GRID2: variants seen among roughly 807,000 people sequenced by gnomAD.
GRID2 encodes the protein glutamate ionotropic receptor delta type subunit 2.
A neutral mutation model predicts 114.8 loss-of-function variants in GRID2; 33 were observed. That is an observed-to-expected ratio of 0.29 (90% confidence interval 0.22 to 0.38). The LOEUF (loss-of-function observed/expected upper bound fraction) is 0.38. Ranked by LOEUF, GRID2 falls within the 10% of genes least tolerant of loss-of-function variation. The pLI is 1.00. For synonymous variants in GRID2, 505 were observed against 449.9 expected (o/e 1.12, Z -1.55); for missense variants, 1,184 against 1,257.7 (o/e 0.94, Z 0.89).
At chr4:93,183,710 C>T (rs1740124416) in intron 4 of GRID2, among the ~76,000 whole-genome samples, 1 of 152,156 alleles carries the variant, frequency 6.6e-6, no homozygotes, top group African/African-American at 2.4e-5. Flanking sequence ...TTTCTCATAC[C>T]ATCATGTGCC....
chr4:92,875,799 C>T (rs933297997), intron 2 of GRID2, among the ~76,000 whole-genome samples: 7 of 151,948 alleles, frequency 4.6e-5, no homozygotes, highest in African/African-American at 1.7e-4. Flanking sequence ...AAGCAAATAC[C>T]ATATCTACCT....
chr4:92,350,142 C>T (rs1727992190), intron 1 of GRID2, among the ~76,000 whole-genome samples: 1 of 151,844 alleles, frequency 6.6e-6, no homozygotes, highest in Admixed American at 6.6e-5. Flanking sequence ...GTCTGAATGT[C>T]AGTTGTTGAA....
chr4:93,473,619 AAAAAC>A (rs1725047463), intron 11 of GRID2, among the ~76,000 whole-genome samples: 1 of 152,070 alleles, frequency 6.6e-6, no homozygotes, highest in Admixed American at 6.6e-5. Context: ...TGTAAATGTT[AAAAAC>A]GTAGGCAAAA....
At chr4:93,250,767 T>TA (rs1554017738) in intron 8 of GRID2, among the ~76,000 whole-genome samples, 24 of 147,580 alleles carry the variant, frequency 1.6e-4, no homozygotes, top group African/African-American at 5.4e-4. Flanking sequence ...TATATATATA[T>TA]AAAAAAAGTG....
At chr4:92,994,892 G>A (rs566115179) in intron 2 of GRID2, among the ~76,000 whole-genome samples, 5 of 152,238 alleles carry the variant, frequency 3.3e-5, no homozygotes, top group African/African-American at 4.8e-5. Flanking sequence ...GCTCACACAG[G>A]CATATTTCCC....
At chr4:93,658,386 T>C (rs1194273821) in intron 14 of GRID2, among the ~76,000 whole-genome samples, 2 of 152,156 alleles carry the variant, frequency 1.3e-5, no homozygotes, top group Non-Finnish European at 2.9e-5. Context: ...AATATTGAAA[T>C]AATACCATTT....
intron 2 of GRID2, among the ~76,000 whole-genome samples, chr4:92,899,269 C>T (rs1045144768): frequency 1.3e-5 from 2 of 150,264 alleles, no homozygotes; most frequent in African/African-American, 4.9e-5. Context: ...TTTTGTTTTC[C>T]CTTTATTTGC....
At chr4:92,990,653 G>A (rs573479790) in intron 2 of GRID2, among the ~76,000 whole-genome samples, 5 of 151,812 alleles carry the variant, frequency 3.3e-5, no homozygotes, top group South Asian at 4.2e-4. Context: ...TAAATGCTAC[G>A]TATATTTACA....
chr4:93,502,852 C>T (rs570981635), intron 12 of GRID2, among the ~76,000 whole-genome samples: 157 of 151,848 alleles, frequency 1.0e-3, no homozygotes, highest in African/African-American at 3.7e-3. Context: ...GTGAGGAAGG[C>T]GAGGAATAAG....
intron 2 of GRID2, among the ~76,000 whole-genome samples, chr4:92,601,069 C>G (rs1302275266): frequency 6.6e-6 from 1 of 152,172 alleles, no homozygotes; most frequent in Non-Finnish European, 1.5e-5. Flanking sequence ...TGTCCCTACA[C>G]TCCTGCCTGA....
At chr4:93,171,622 G>T (rs894042634) in intron 4 of GRID2, among the ~76,000 whole-genome samples, 2 of 152,114 alleles carry the variant, frequency 1.3e-5, no homozygotes. Context: ...ACTTGTCCAC[G>T]TAGGACCCAA....
chr4:92,836,545 AAAAC>A (rs1186686795), intron 2 of GRID2, among the ~76,000 whole-genome samples: 4 of 152,136 alleles, frequency 2.6e-5, no homozygotes, highest in Non-Finnish European at 5.9e-5. Flanking sequence ...TAACCAAAAA[AAAAC>A]AGAAAATATT....
intron 1 of GRID2, among the ~76,000 whole-genome samples, chr4:92,475,430 C>G (rs1403140255): frequency 1.3e-5 from 2 of 151,382 alleles, no homozygotes; most frequent in Admixed American, 1.3e-4. Flanking sequence ...AAGAGAATGT[C>G]CTTTCCCCAT....
At chr4:92,356,607 A>G (rs569807292) in intron 1 of GRID2, among the ~76,000 whole-genome samples, 1 of 151,874 alleles carries the variant, frequency 6.6e-6, no homozygotes, top group South Asian at 2.1e-4. Flanking sequence ...TCAAGCACAT[A>G]CCGCATGTAT....
chr4:93,471,698 A>ATTTTTTTTTTTGTTTTGTT (rs1162124898), intron 11 of GRID2, among the ~76,000 whole-genome samples: 3 of 61,006 alleles, frequency 4.9e-5, no homozygotes, highest in African/African-American at 2.7e-4. Context: ...CCTGAATTCA[A>ATTTTTTTTTTTGTTTTGTT]TTTTTTTTTT....
chr4:92,928,669 G>T (rs1228662677), intron 2 of GRID2, among the ~76,000 whole-genome samples: 1 of 151,350 alleles, frequency 6.6e-6, no homozygotes, highest in East Asian at 1.9e-4. Context: ...GTGATATTTC[G>T]CTTTAGTACA....
chr4:92,870,497 G>T (rs2149445589), intron 2 of GRID2, among the ~76,000 whole-genome samples: 1 of 152,124 alleles, frequency 6.6e-6, no homozygotes, highest in South Asian at 2.1e-4. Flanking sequence ...GTATCACATT[G>T]ATCACTCCTA....
At chr4:93,637,730 A>G (rs1181892549) in intron 14 of GRID2, among the ~76,000 whole-genome samples, 1 of 152,100 alleles carries the variant, frequency 6.6e-6, no homozygotes, top group Non-Finnish European at 1.5e-5. Flanking sequence ...ATACTGAAAT[A>G]TTTTCCCTTC....
At chr4:93,498,104 A>G (rs538803668) in intron 12 of GRID2, among the ~76,000 whole-genome samples, 4 of 151,960 alleles carry the variant, frequency 2.6e-5, no homozygotes, top group African/African-American at 7.2e-5. Context: ...ATCTCGATCC[A>G]TTTGTGCTGC....
Sources: gnomAD v4.1 joint callset for allele counts (sites outside exome capture counted in the v4.1 genomes callset) on GRCh38, gnomAD v4.1.1 for gene constraint, MANE v1.5 for transcripts, NCBI Gene and HGNC (gene_info 2026-07-23, HGNC 2026-07-21) for gene names.